The following DEPDC5 variants were observed in gnomAD, a reference collection of about 807,000 sequenced individuals.
DEPDC5 encodes the protein GATOR1 complex protein DEPDC5.
DEPDC5 carries 73 observed loss-of-function variants against 217.3 expected under a neutral mutation model. That is an observed-to-expected ratio of 0.34 (90% CI 0.28 to 0.41). The LOEUF (loss-of-function observed/expected upper bound fraction) is 0.41, where lower values mean the gene tolerates loss of function less well. Ranked by LOEUF, DEPDC5 falls within the 10% of genes least tolerant of loss-of-function variation. DEPDC5 has a pLI of 1.00. For missense variants in DEPDC5, 1,675 were observed against 2,070.1 expected (o/e 0.81, Z 3.70); for synonymous variants, 733 against 756.7 (o/e 0.97, Z 0.51).
chr22:31,776,426 T>G (rs2083860268), intron 7 of DEPDC5, among the ~76,000 whole-genome samples: 1 of 152,106 alleles, frequency 6.6e-6, no homozygotes, highest in African/African-American at 2.4e-5. Context: ...GTCTCATTTT[T>G]AAAGATAATG....
chr22:31,843,203 A>G lies in DEPDC5; in HGVS notation c.2624A>G (p.Tyr875Cys). Residue 875 changes from tyrosine (Y) to cysteine (C), a missense_variant, in exon 28 of 43, where the codon TAC (tyrosine) becomes TGC (cysteine). Transcript: ENST00000651528. ...LKDKMITVTR[Y>C]LPKYPYESAQ... Reference sequence around the variant, plus strand: ...GATAAGATGATCACAGTGACGCGATACCTTCCCAAGTGAGTATTTGGATAT... The same window carrying G: ...GATAAGATGATCACAGTGACGCGATGCCTTCCCAAGTGAGTATTTGGATAT... 1.2e-6 allele frequency: 2 copies of G among 1,613,764 alleles called. No individual in the cohort carries two copies. The highest frequency in any genetic ancestry group is 1.7e-6 in the Non-Finnish European group (2 of 1,179,892).
Position 31,819,133 on chromosome 22 carries a change from C to T in DEPDC5, c.1778C>T (p.Pro593Leu). ...CATGTTCGACCTGGTGGATACACGC[C>T]CCAGAGAGCACTGATTAACCCCTTC... ...MLHVRPGGYT[P>L]QRALINPFAP... Residue 593 changes from proline (P) to leucine (L), a missense_variant, in exon 22 of 43, where the codon CCC (proline) becomes CTC (leucine). This residue lies in a region of DEPDC5 where 628 missense variants were observed against 762.1 expected (regional missense o/e 0.82). Coordinates refer to ENST00000651528, the MANE Select transcript of DEPDC5 (RefSeq NM_001242896.3). 6.2e-7 allele frequency: 1 copy of T among 1,614,146 alleles called. No homozygotes were observed. The highest frequency in any genetic ancestry group is 8.5e-7 in the Non-Finnish European group (1 of 1,180,020).
chr22:31,893,458 T>G, intron 38 of DEPDC5, 124 bp from the exon 39 acceptor site: 2 of 919,930 alleles, frequency 2.2e-6, no homozygotes, highest in Non-Finnish European at 3.0e-6. Flanking sequence ...AGGAAACTTC[T>G]GGAATCTGCA....
chr22:31,777,604 G>A (rs987777322), intron 7 of DEPDC5, among the ~76,000 whole-genome samples: 3 of 151,720 alleles, frequency 2.0e-5, no homozygotes, highest in Non-Finnish European at 2.9e-5. Flanking sequence ...CAGATTAAGA[G>A]CCCCTGTTCA....
At chr22:31,891,109 A>G (rs1027370067) in intron 38 of DEPDC5, 3 of 423,250 alleles carry the variant, frequency 7.1e-6, no homozygotes. Context: ...ATCTAGGTCA[A>G]TCTTAAAGAC....
chr22:31,764,616 A>G (rs112870881), intron 4 of DEPDC5, among the ~76,000 whole-genome samples: 3,550 of 152,118 alleles, frequency 0.023, 126 homozygotes, highest in African/African-American at 0.075. Context: ...GGGTTTCACC[A>G]TGTTGGCCAG....
chr22:31,782,786 C>T (rs1437988905), intron 8 of DEPDC5, among the ~76,000 whole-genome samples: 1 of 152,192 alleles, frequency 6.6e-6, no homozygotes, highest in Non-Finnish European at 1.5e-5. Flanking sequence ...TTGCAGTGTT[C>T]TGCATGTTTT....
chr22:31,790,782 C>T (rs11705112), intron 10 of DEPDC5, among the ~76,000 whole-genome samples: 24,137 of 147,454 alleles, frequency 0.16, 2,065 homozygotes, highest in Admixed American at 0.18. Context: ...AGTCTCGCTC[C>T]GTCGCCCAGG....
intron 17 of DEPDC5, chr22:31,805,158 A>G (rs1601999682): frequency 6.8e-6 from 2 of 294,746 alleles, no homozygotes; most frequent in Non-Finnish European, 1.3e-5. Flanking sequence ...TGCAGTTCCC[A>G]TGTCCTTCTA....
Position 31,808,410 on chromosome 22 carries a change from G to A in DEPDC5, c.1288-1201G>A, listed in dbSNP as rs912983038. Among the ~76,000 whole-genome samples, 18 of 151,624 alleles carry A rather than the reference G, an allele frequency of 1.2e-4. 1 individual carries two copies. The highest frequency in any genetic ancestry group is 3.4e-4 in the African/African-American group (14 of 41,266). On this transcript the variant is annotated intron_variant, in intron 18 of 42. Transcript: ENST00000651528. ...CAAGTAGCTGGGATTACAGGTGTGC[G>A]CCACCATGTCCAGCTAATTTTTGTA... is the stretch of plus-strand genomic sequence containing the variant.
At chr22:31,792,647 T>C (rs2085810632) in intron 11 of DEPDC5, 98 bp from the exon 12 acceptor site, 1 of 849,070 alleles carries the variant, frequency 1.2e-6, no homozygotes, top group Non-Finnish European at 1.8e-6. Flanking sequence ...GTTATCTTTA[T>C]TTTTTTGTGA....
intron 23 of DEPDC5, 104 bp from the exon 24 acceptor site, chr22:31,822,589 G>T: frequency 9.2e-7 from 1 of 1,084,328 alleles, no homozygotes. Context: ...GAATATTCAG[G>T]CCTGATTTTT....
Position 31,874,372 on chromosome 22 carries a change from C to G in DEPDC5, c.3663C>G (p.Ile1221Met). Residue 1221 changes from isoleucine (I) to methionine (M), a missense_variant, in exon 36 of 43, where the codon ATC becomes ATG. Transcript: ENST00000651528. ...GGTTGGTGAACCACGTGGAGGGGAT[C>G]CAGACACAGGCGATGGCCATTGACA... ...VHWLVNHVEG[I>M]QTQAMAIDIM... is the part of the protein sequence containing the mutation. 23 of 1,612,726 alleles carry G rather than the reference C, an allele frequency of 1.4e-5. No individual in the cohort carries two copies. The highest frequency in any genetic ancestry group is 1.9e-5 in the Non-Finnish European group (23 of 1,179,496).
chr22:31,763,228 A>T (rs1180299706), intron 4 of DEPDC5, among the ~76,000 whole-genome samples: 1 of 152,008 alleles, frequency 6.6e-6, no homozygotes, highest in Non-Finnish European at 1.5e-5. Flanking sequence ...TGACCTCGTG[A>T]TCCGCCCTCC....
intron 10 of DEPDC5, among the ~76,000 whole-genome samples, chr22:31,790,450 A>T (rs1034171524): frequency 6.6e-6 from 1 of 152,184 alleles, no homozygotes; most frequent in East Asian, 1.9e-4. Flanking sequence ...GTTTATTCTC[A>T]TTAGTCCCTG....
At chr22:31,779,303 G>A (rs1338426553) in intron 8 of DEPDC5, among the ~76,000 whole-genome samples, 1 of 152,218 alleles carries the variant, frequency 6.6e-6, no homozygotes, top group Non-Finnish European at 1.5e-5. Flanking sequence ...GTTTGTGCGT[G>A]TGTGTATACA....
chr22:31,896,386 G>A (rs2093553105), intron 39 of DEPDC5, among the ~76,000 whole-genome samples: 1 of 152,142 alleles, frequency 6.6e-6, no homozygotes, highest in South Asian at 2.1e-4. Context: ...AACATTCCGT[G>A]AGAGAAAAGA....
chr22:31,784,391 G>A (rs1453941440), intron 9 of DEPDC5: 3 of 189,472 alleles, frequency 1.6e-5, no homozygotes, highest in Non-Finnish European at 3.3e-5. Context: ...CACTTTGGGA[G>A]GCTGAGGTGG....
intron 3 of DEPDC5, among the ~76,000 whole-genome samples, chr22:31,759,249 A>G (rs904873028): frequency 2.6e-5 from 4 of 151,430 alleles, no homozygotes; most frequent in Admixed American, 1.3e-4. Flanking sequence ...TGTGTTTTTT[A>G]GTAGAGATGG....
Sources: allele counts gnomAD v4.1 joint callset (sites outside exome capture counted in the v4.1 genomes callset), GRCh38; gene constraint gnomAD v4.1.1; regional missense constraint gnomAD v4.1.1; transcripts MANE v1.5; gene names NCBI Gene and HGNC (gene_info 2026-07-23, HGNC 2026-07-21).